KLF12: variants seen among roughly 807,000 people sequenced by gnomAD.
KLF12 encodes the protein KLF transcription factor 12.
A neutral mutation model predicts 37.8 loss-of-function variants in KLF12; 9 were observed. That is an observed-to-expected ratio of 0.24 (90% confidence interval 0.14 to 0.42). KLF12 has a LOEUF of 0.42. Among genes scored for constraint, KLF12 ranks in the 10% least tolerant of loss-of-function variants. KLF12 has a pLI of 1.00. For synonymous variants in KLF12, 208 were observed against 202.1 expected (o/e 1.03, Z -0.25); for missense variants, 411 against 516.0 (o/e 0.80, Z 1.97).
chr13:73,695,560 G>C lies in KLF12; in HGVS notation c.1139C>G (p.Ala380Gly). The C allele has an allele frequency of 1.9e-6, 3 of 1,614,094 alleles. No individual in the cohort carries two copies. The highest frequency in any genetic ancestry group is 2.5e-6 in the Non-Finnish European group (3 of 1,179,962). ...CCGGGAAAAGCTGCGATCACAGTCC[G>C]CGCACTTGAATGGCTTCACTCCCGT... The change falls in exon 8 of 8, where the codon GCG (alanine) becomes GGG (glycine). Residue 380 changes from alanine to glycine, a missense_variant. By Grantham distance (60) the Ala-to-Gly change is moderately conservative. Transcript: ENST00000377669.
intron 2 of KLF12, among the ~76,000 whole-genome samples, chr13:73,970,919 G>T (rs1375508065): frequency 6.6e-6 from 1 of 152,056 alleles, no homozygotes; most frequent in Non-Finnish European, 1.5e-5. Flanking sequence ...GCAGAAGGGT[G>T]GGGAATGTTT....
rs561370040 is a variant in KLF12, at chr13:73,737,014, A to G, written c.870-21489T>C. Among the ~76,000 whole-genome samples, 309 of 152,302 alleles carry G rather than the reference A, an allele frequency of 2.0e-3. 7 individuals carry two copies. The highest frequency in any genetic ancestry group is 3.4e-3 in the Middle Eastern group (1 of 294). Reference sequence around the variant, plus strand: ...AAAAATACACTGTGGTTCTGATGAAAAAGAGTACGTACCAGTGGATTTCTG... The same window carrying G: ...AAAAATACACTGTGGTTCTGATGAAGAAGAGTACGTACCAGTGGATTTCTG... On this transcript the variant is annotated intron_variant, in intron 6 of 7. Transcript: ENST00000377669.
chr13:74,283,923 G>A, the KLF12 span, among the ~76,000 whole-genome samples: 1 of 151,048 alleles, frequency 6.6e-6, no homozygotes, highest in Non-Finnish European at 1.5e-5. Context: ...GCAGTGACAG[G>A]ATCTCGGCTC....
upstream of KLF12, among the ~76,000 whole-genome samples, chr13:74,134,675 G>C (rs569128570): frequency 1.3e-5 from 2 of 152,230 alleles, no homozygotes; most frequent in Non-Finnish European, 2.9e-5. Context: ...GAGGGGGCCC[G>C]CGGGGGCTTG....
At position 73,695,776 on chromosome 13, in the gene KLF12, C is replaced by T. The variant is rs1015219425; in HGVS notation, c.1028-105G>A. ...AACTGGTGTTCTCAATGAATTTTCC[C>T]GTTGGTAAATCTTTGTCGGGAAACC... On this transcript the variant is annotated intron_variant, in intron 7 of 7. Transcript: ENST00000377669. 21 of 1,090,998 alleles carry T rather than the reference C, an allele frequency of 1.9e-5. No homozygotes were observed. The Middle Eastern group carries it at 8.0e-4, about 42-fold the overall frequency. 67.6% of individuals were successfully genotyped at this position (1,090,998 alleles called of 1,614,324 possible). A position where few individuals can be genotyped will look rare whatever the true frequency, so the allele number is the denominator to read the frequency against.
chr13:73,860,087 T>C, intron 3 of KLF12, among the ~76,000 whole-genome samples: 1 of 152,180 alleles, frequency 6.6e-6, no homozygotes, highest in East Asian at 1.9e-4. Context: ...ATGCCTGAGT[T>C]CCGGTCTGGG....
chr13:73,819,152 A>G (rs1224156023), intron 4 of KLF12, among the ~76,000 whole-genome samples: 1 of 152,172 alleles, frequency 6.6e-6, no homozygotes, highest in Non-Finnish European at 1.5e-5. Flanking sequence ...GCTTCAGGGA[A>G]CATGGGATGA....
At chr13:73,748,327 G>A (rs1202640945) in intron 6 of KLF12, among the ~76,000 whole-genome samples, 2 of 152,112 alleles carry the variant, frequency 1.3e-5, no homozygotes, top group Non-Finnish European at 2.9e-5. Flanking sequence ...CCTTTAATCT[G>A]AATTAACAGT....
At chr13:74,283,989 C>G in the KLF12 span, among the ~76,000 whole-genome samples, 463 of 151,926 alleles carry the variant, frequency 3.0e-3, 3 homozygotes, top group African/African-American at 0.011. Context: ...CCTCCCGTAG[C>G]TGGGATTACA....
In KLF12 at chr13:74,066,857, T is replaced by A. The variant is rs189408267; in HGVS notation, c.-32+66882A>T. 2.6e-5 allele frequency among the ~76,000 whole-genome samples: 4 copies of A among 152,250 alleles called. No individual in the cohort carries two copies. The East Asian group carries it at 7.7e-4, about 29-fold the overall frequency. ...CTCACTAGTAGTCAACTCTTAAAAA[T>A]GGGGCATTATTCCTAAAAAGGAAAT... On this transcript the variant is annotated intron_variant, in intron 1 of 7. Coordinates refer to ENST00000377669, the MANE Select transcript of KLF12 (RefSeq NM_007249.5).
At chr13:74,276,847 G>A in the KLF12 span, among the ~76,000 whole-genome samples, 1 of 152,164 alleles carries the variant, frequency 6.6e-6, no homozygotes, top group Non-Finnish European at 1.5e-5. Flanking sequence ...CCTGCTTTCA[G>A]AGTGAGCTGA....
chr13:73,879,153 A>T (rs1308320945), intron 3 of KLF12, among the ~76,000 whole-genome samples: 2 of 152,218 alleles, frequency 1.3e-5, no homozygotes, highest in Non-Finnish European at 2.9e-5. Flanking sequence ...AGACTCTTCA[A>T]GTTTACTGAT....
chr13:73,747,006 G>A (rs1358062690), intron 6 of KLF12, among the ~76,000 whole-genome samples: 1 of 151,724 alleles, frequency 6.6e-6, no homozygotes, highest in African/African-American at 2.4e-5. Context: ...TAGTAGAGAT[G>A]GGATTTCACC....
the KLF12 span, among the ~76,000 whole-genome samples, chr13:74,220,156 A>G: frequency 1.3e-5 from 2 of 152,132 alleles, no homozygotes; most frequent in African/African-American, 4.8e-5. Flanking sequence ...CTTATATGCT[A>G]GCAATGGTTT....
chr13:74,189,462 G>A, the KLF12 span, among the ~76,000 whole-genome samples: 1 of 152,198 alleles, frequency 6.6e-6, no homozygotes, highest in Non-Finnish European at 1.5e-5. Flanking sequence ...ATTGGACTTT[G>A]TATGAGGGAC....
chr13:73,928,880 GATAAT>G (rs1457558963), intron 3 of KLF12, among the ~76,000 whole-genome samples: 4 of 152,170 alleles, frequency 2.6e-5, no homozygotes, highest in Non-Finnish European at 4.4e-5. Context: ...TAGGGTGTCA[GATAAT>G]ATAAGTGCCC....
chr13:73,828,177 T>C (rs917172557), intron 4 of KLF12, among the ~76,000 whole-genome samples: 1 of 152,188 alleles, frequency 6.6e-6, no homozygotes, highest in African/African-American at 2.4e-5. Context: ...TTCTGGCATC[T>C]GTTGGTGCCC....
intron 4 of KLF12, among the ~76,000 whole-genome samples, chr13:73,839,258 A>ATTTT (rs768668350): frequency 8.8e-6 from 1 of 113,044 alleles, no homozygotes; most frequent in Non-Finnish European, 1.9e-5. Context: ...ATACCTGGTT[A>ATTTT]TTTTTTTTTT....
chr13:73,913,513 G>A (rs1385049423), intron 3 of KLF12, among the ~76,000 whole-genome samples: 2 of 152,160 alleles, frequency 1.3e-5, no homozygotes, highest in Non-Finnish European at 1.5e-5. Flanking sequence ...GCATGAATAA[G>A]AAAACTCTTT....
Sources: allele counts gnomAD v4.1 joint callset (sites outside exome capture counted in the v4.1 genomes callset), GRCh38; gene constraint gnomAD v4.1.1; transcripts MANE v1.5; gene names NCBI Gene and HGNC (gene_info 2026-07-23, HGNC 2026-07-21).